Variants in TRAPPC9 observed in about 807,000 individuals in gnomAD.
The protein encoded by TRAPPC9 is trafficking protein particle complex subunit 9.
A neutral mutation model predicts 124.0 loss-of-function variants in TRAPPC9; 83 were observed. The observed-to-expected ratio is 0.67, with a 90% CI of 0.56 to 0.80. The LOEUF (loss-of-function observed/expected upper bound fraction) is 0.80. Among genes scored for constraint, TRAPPC9 ranks in the 30% least tolerant of loss-of-function variants. TRAPPC9 has a pLI of 0.00. For missense variants in TRAPPC9, 1,302 were observed against 1,508.3 expected (o/e 0.86, Z 2.27); for synonymous variants, 638 against 617.5 (o/e 1.03, Z -0.49).
intron 19 of TRAPPC9, chr8:139,932,269 C>T (rs1268514545): frequency 6.6e-6 from 3 of 454,722 alleles, no homozygotes; most frequent in Non-Finnish European, 1.3e-5. Flanking sequence ...CACGGGGCCT[C>T]GCTCAGGGTA....
intron 17 of TRAPPC9, among the ~76,000 whole-genome samples, chr8:140,121,833 TA>T (rs1358261277): frequency 6.6e-6 from 1 of 152,084 alleles, no homozygotes; most frequent in Non-Finnish European, 1.5e-5. Context: ...GGCAGGCTCT[TA>T]AAGGGGTCCC....
rs187402562 is a variant in TRAPPC9, at chr8:139,974,221, G to A, written c.2810+14505C>T. Among the ~76,000 whole-genome samples the A allele has an allele frequency of 3.3e-5, 5 of 152,322 alleles. No homozygotes were observed. The East Asian group carries it at 5.8e-4, about 18-fold the overall frequency. On this transcript the variant is annotated intron_variant, in intron 19 of 22. Coordinates refer to ENST00000438773, the MANE Select transcript of TRAPPC9 (RefSeq NM_001160372.4). ...GCCCAGCAGGCTCATGTATCGGTACGCAAGAGAAAACTGTGCGCTTCTAGG... is the reference window on the plus strand; with the variant it reads ...GCCCAGCAGGCTCATGTATCGGTACACAAGAGAAAACTGTGCGCTTCTAGG...
At chr8:140,350,572 G>A (rs149968975) in intron 9 of TRAPPC9, among the ~76,000 whole-genome samples, 26 of 152,144 alleles carry the variant, frequency 1.7e-4, no homozygotes, top group Non-Finnish European at 2.1e-4. Context: ...AGCCTCTCAC[G>A]TTAAGACTGG....
At chr8:140,254,135 C>G (rs2064193162) in intron 15 of TRAPPC9, among the ~76,000 whole-genome samples, 1 of 152,180 alleles carries the variant, frequency 6.6e-6, no homozygotes, top group African/African-American at 2.4e-5. Flanking sequence ...GCCTTGACAT[C>G]CGGCAAAACT....
At chr8:140,222,328 C>T (rs1563858888) in intron 16 of TRAPPC9, among the ~76,000 whole-genome samples, 1 of 152,192 alleles carries the variant, frequency 6.6e-6, no homozygotes, top group Non-Finnish European at 1.5e-5. Context: ...CAGTATCTAT[C>T]GATTGACGGG....
At chr8:140,449,770 C>A (rs1018359142) in intron 2 of TRAPPC9, among the ~76,000 whole-genome samples, 1 of 152,208 alleles carries the variant, frequency 6.6e-6, no homozygotes, top group Non-Finnish European at 1.5e-5. Context: ...CCTGGCAATC[C>A]GGAGACGTGG....
At chr8:139,958,413 A>G (rs1835139373) in intron 19 of TRAPPC9, among the ~76,000 whole-genome samples, 1 of 152,182 alleles carries the variant, frequency 6.6e-6, no homozygotes, top group Admixed American at 6.5e-5. Flanking sequence ...TGAGACTCAC[A>G]GTCTTTGCCG....
At chr8:140,075,234 T>A (rs1222140694) in intron 17 of TRAPPC9, among the ~76,000 whole-genome samples, 1 of 152,174 alleles carries the variant, frequency 6.6e-6, no homozygotes, top group Non-Finnish European at 1.5e-5. Flanking sequence ...CACTAGACTG[T>A]CTTGGAGGTT....
chr8:140,399,163 G>A (rs1433491260), intron 6 of TRAPPC9, among the ~76,000 whole-genome samples: 1 of 152,254 alleles, frequency 6.6e-6, no homozygotes, highest in Admixed American at 6.5e-5. Flanking sequence ...ACAGCTGGAT[G>A]CCCAGGCAGA....
chr8:139,987,646 T>A (rs1837326620), intron 19 of TRAPPC9, among the ~76,000 whole-genome samples: 2 of 152,218 alleles, frequency 1.3e-5, no homozygotes, highest in Admixed American at 1.3e-4. Context: ...GTTTGAAGTC[T>A]TCAGCAATTA....
intron 7 of TRAPPC9, among the ~76,000 whole-genome samples, chr8:140,387,611 G>T (rs1281692152): frequency 6.6e-6 from 1 of 152,184 alleles, no homozygotes; most frequent in Non-Finnish European, 1.5e-5. Context: ...GCAGCCAACA[G>T]ACACATGAAA....
intron 21 of TRAPPC9, among the ~76,000 whole-genome samples, chr8:139,854,672 C>G (rs543932958): frequency 5.6e-4 from 85 of 152,354 alleles, no homozygotes; most frequent in African/African-American, 1.0e-3. Flanking sequence ...CGCCTGCACA[C>G]GTAAAATCCT....
intron 19 of TRAPPC9, among the ~76,000 whole-genome samples, chr8:139,919,463 C>T (rs751979136): frequency 1.3e-5 from 2 of 152,020 alleles, no homozygotes; most frequent in Admixed American, 6.6e-5. Context: ...ATCACTGAGC[C>T]GTACACTTCA....
chr8:140,313,422 A>C (rs1166420171), intron 9 of TRAPPC9, among the ~76,000 whole-genome samples: 1 of 152,226 alleles, frequency 6.6e-6, no homozygotes, highest in Non-Finnish European at 1.5e-5. Flanking sequence ...TCTGAATGGC[A>C]TTTCTAGACA....
intron 17 of TRAPPC9, among the ~76,000 whole-genome samples, chr8:140,163,809 T>G (rs926952167): frequency 6.6e-6 from 1 of 152,068 alleles, no homozygotes; most frequent in Non-Finnish European, 1.5e-5. Flanking sequence ...ATAAGGTCAA[T>G]GCAAAAGCCT....
chr8:140,062,804 T>G (rs1587623695), intron 17 of TRAPPC9, among the ~76,000 whole-genome samples: 1 of 151,882 alleles, frequency 6.6e-6, no homozygotes, highest in Non-Finnish European at 1.5e-5. Context: ...GAATGGAGGG[T>G]CTTCATTCCA....
At chr8:139,971,816 TAC>T (rs761189260) in intron 19 of TRAPPC9, among the ~76,000 whole-genome samples, 8 of 145,746 alleles carry the variant, frequency 5.5e-5, no homozygotes, top group Non-Finnish European at 9.0e-5. Context: ...TATATATATA[TAC>T]ACACACACAC....
chr8:140,211,716 C>T (rs2063066320), intron 17 of TRAPPC9, among the ~76,000 whole-genome samples: 1 of 152,196 alleles, frequency 6.6e-6, no homozygotes, highest in Non-Finnish European at 1.5e-5. Flanking sequence ...TGAGATAAAA[C>T]ATACTTTACT....
intron 15 of TRAPPC9, among the ~76,000 whole-genome samples, chr8:140,272,378 G>GTGATGA (rs1031942418): frequency 9.6e-6 from 1 of 104,278 alleles, no homozygotes; most frequent in Admixed American, 8.7e-5. Flanking sequence ...GAGGGTGGTG[G>GTGATGA]TGATGATGGT....
Sources: allele counts gnomAD v4.1 joint callset (sites outside exome capture counted in the v4.1 genomes callset), GRCh38; gene constraint gnomAD v4.1.1; transcripts MANE v1.5; gene names NCBI Gene and HGNC (gene_info 2026-07-23, HGNC 2026-07-21).